Variants in TTC17 observed in about 807,000 individuals in gnomAD.
TTC17 encodes tetratricopeptide repeat domain 17.
In TTC17, 58 loss-of-function variants were observed where a neutral mutation model predicts 143.8. The observed-to-expected ratio is 0.40, with a 90% CI of 0.33 to 0.50. The LOEUF is 0.50. Among genes scored for constraint, TTC17 ranks in the 20% least tolerant of loss-of-function variants. The probability of loss-of-function intolerance (pLI) is 0.49; values close to 1 mark genes in which losing one functional copy is unlikely to be tolerated. For missense variants in TTC17, 1,273 were observed against 1,392.5 expected (o/e 0.91, Z 1.37); for synonymous variants, 501 against 497.8 (o/e 1.01, Z -0.09).
At chr11:43,370,300 G>A (rs927374008) in intron 1 of TTC17, 2 of 256,926 alleles carry the variant, frequency 7.8e-6, no homozygotes, top group Admixed American at 5.1e-5. Flanking sequence ...AGCCTGGAAG[G>A]GATCGCAAAC....
chr11:43,451,227 G>A lies in TTC17; in HGVS notation c.2992G>A (p.Glu998Lys), dbSNP rs1947651834. The A allele has an allele frequency of 1.2e-6, 2 of 1,613,680 alleles. No individual in the cohort carries two copies. Among genetic ancestry groups the A allele is most frequent in the Non-Finnish European group, 1.7e-6 (2 of 1,179,744 alleles). Reference protein sequence around the residue: ...GKDQYPQQSLEQIGTRIAKVL... With the variant: ...GKDQYPQQSLKQIGTRIAKVL... ...AGACCAATATCCACAACAGTCGCTTGAACAGATTGGCACCCGAATTGCCAA... is the reference window on the plus strand; with the variant it reads ...AGACCAATATCCACAACAGTCGCTTAAACAGATTGGCACCCGAATTGCCAA... The change falls in exon 21 of 24, where the codon GAA becomes AAA. Residue 998 changes from glutamate to lysine, a missense_variant. Coordinates refer to ENST00000039989, the MANE Select transcript of TTC17 (RefSeq NM_018259.6).
intron 13 of TTC17, among the ~76,000 whole-genome samples, chr11:43,406,189 G>A (rs1858123582): frequency 6.6e-6 from 1 of 152,138 alleles, no homozygotes; most frequent in Non-Finnish European, 1.5e-5. Context: ...CTCTAACGCA[G>A]AGCACTTCAA....
chr11:43,411,902 G>A (rs1565152766), intron 15 of TTC17, among the ~76,000 whole-genome samples: 1 of 152,062 alleles, frequency 6.6e-6, no homozygotes, highest in Non-Finnish European at 1.5e-5. Flanking sequence ...CATTTCTGAT[G>A]ATCTAACAGC....
intron 2 of TTC17, among the ~76,000 whole-genome samples, chr11:43,384,687 G>A (rs1301137680): frequency 6.6e-6 from 1 of 152,172 alleles, no homozygotes; most frequent in Non-Finnish European, 1.5e-5. Context: ...AAAAAGAAAT[G>A]TGATGGGCAC....
At chr11:43,373,751 CT>C (rs1455238112) in intron 1 of TTC17, among the ~76,000 whole-genome samples, 1 of 152,138 alleles carries the variant, frequency 6.6e-6, no homozygotes, top group African/African-American at 2.4e-5. Flanking sequence ...GGGTATAGGT[CT>C]GGCTAGTAAA....
intron 21 of TTC17, among the ~76,000 whole-genome samples, chr11:43,462,921 C>CTTTGTTTTTTTTTTTTTTTTTTTTTTTTT (rs1947896174): frequency 8.5e-6 from 1 of 117,724 alleles, no homozygotes. Context: ...TGACAAAATT[C>CTTTGTTTTTTTTTTTTTTTTTTTTTTTTT]TTTTTTTTTT....
chr11:43,409,347 A>G (rs993212808), intron 15 of TTC17, among the ~76,000 whole-genome samples: 5 of 152,244 alleles, frequency 3.3e-5, no homozygotes, highest in African/African-American at 1.2e-4. Context: ...TACTAAGTCA[A>G]TAAGAGAATG....
At chr11:43,442,481 A>G (rs1254957958) in intron 16 of TTC17, among the ~76,000 whole-genome samples, 1 of 152,248 alleles carries the variant, frequency 6.6e-6, no homozygotes, top group Admixed American at 6.5e-5. Context: ...CTTTCATGGA[A>G]TGCACAGTGT....
At chr11:43,422,586 C>T (rs1946931780) in intron 16 of TTC17, among the ~76,000 whole-genome samples, 1 of 152,032 alleles carries the variant, frequency 6.6e-6, no homozygotes, top group Non-Finnish European at 1.5e-5. Flanking sequence ...AGCCAGTAAG[C>T]TAGTAGAAAA....
At chr11:43,451,937 G>A (rs1394805632) in intron 21 of TTC17, among the ~76,000 whole-genome samples, 2 of 152,152 alleles carry the variant, frequency 1.3e-5, no homozygotes, top group Admixed American at 6.5e-5. Flanking sequence ...TCCGAGTATC[G>A]CACATGGAAA....
intron 1 of TTC17, among the ~76,000 whole-genome samples, chr11:43,375,858 G>A (rs181866504): frequency 1.3e-5 from 2 of 152,266 alleles, no homozygotes; most frequent in Admixed American, 1.3e-4. Context: ...ATTTGGCAGT[G>A]AAATAATTAC....
chr11:43,399,321 CAT>C (rs1857748820), intron 8 of TTC17, among the ~76,000 whole-genome samples: 1 of 152,118 alleles, frequency 6.6e-6, no homozygotes, highest in South Asian at 2.1e-4. Context: ...TGTATATCGT[CAT>C]GTATTTTTTT....
intron 1 of TTC17, among the ~76,000 whole-genome samples, chr11:43,363,451 G>A (rs2064838330): frequency 1.3e-5 from 2 of 152,148 alleles, no homozygotes; most frequent in African/African-American, 4.8e-5. Flanking sequence ...GTTAGTTGTA[G>A]CCTTACTGAA....
intron 16 of TTC17, among the ~76,000 whole-genome samples, chr11:43,427,460 C>T (rs938668405): frequency 7.2e-5 from 11 of 152,150 alleles, no homozygotes; most frequent in African/African-American, 2.2e-4. Flanking sequence ...ATCTTGGTAC[C>T]AAATGATGAT....
intron 1 of TTC17, among the ~76,000 whole-genome samples, chr11:43,361,997 T>G (rs1856124471): frequency 6.6e-6 from 1 of 150,948 alleles, no homozygotes; most frequent in Non-Finnish European, 1.5e-5. Flanking sequence ...TTTTTTTTTT[T>G]GAGATGGAGT....
intron 15 of TTC17, among the ~76,000 whole-genome samples, chr11:43,408,237 T>C (rs1436321017): frequency 6.6e-6 from 1 of 152,248 alleles, no homozygotes; most frequent in Non-Finnish European, 1.5e-5. Context: ...TAAATGTTTA[T>C]AGGTTTTGTA....
chr11:43,381,739 A>G (rs1856976702), intron 2 of TTC17, among the ~76,000 whole-genome samples: 1 of 152,198 alleles, frequency 6.6e-6, no homozygotes, highest in African/African-American at 2.4e-5. Context: ...AGAACCTGGA[A>G]ACAACCACAA....
chr11:43,417,358 G>A (rs554325111), intron 16 of TTC17, among the ~76,000 whole-genome samples: 5 of 152,184 alleles, frequency 3.3e-5, no homozygotes, highest in Admixed American at 2.0e-4. Flanking sequence ...AGATGATTCT[G>A]TTTGCCGTTT....
chr11:43,456,149 C>T (rs1947758235), intron 21 of TTC17, among the ~76,000 whole-genome samples: 3 of 150,672 alleles, frequency 2.0e-5, no homozygotes, highest in Admixed American at 1.3e-4. Flanking sequence ...GTTTAAGAAC[C>T]CTAAGAATTG....
Sources: allele counts gnomAD v4.1 joint callset (sites outside exome capture counted in the v4.1 genomes callset), GRCh38; gene constraint gnomAD v4.1.1; transcripts MANE v1.5; gene names NCBI Gene and HGNC (gene_info 2026-07-23, HGNC 2026-07-21).